LDLRAD3: variants seen among roughly 807,000 people sequenced by gnomAD.
LDLRAD3 encodes the protein low-density lipoprotein receptor class A domain-containing protein 3.
Under a neutral mutation model 29.4 loss-of-function variants are expected in LDLRAD3, and 20 were observed. The ratio of observed to expected loss-of-function variants is 0.68; its 90% CI spans 0.48 to 0.99. The LOEUF is 0.99. Among genes scored for constraint, LDLRAD3 ranks in the 50% least tolerant of loss-of-function variants. The pLI is 0.00. For synonymous variants in LDLRAD3, 157 were observed against 192.7 expected (o/e 0.81, Z 1.53); for missense variants, 420 against 454.3 (o/e 0.92, Z 0.69).
chr11:36,125,235 T>C (rs1465517860), intron 4 of LDLRAD3, among the ~76,000 whole-genome samples: 2 of 152,192 alleles, frequency 1.3e-5, no homozygotes, highest in African/African-American at 4.8e-5. Context: ...ACCTAGATCC[T>C]GGTACACAGA....
rs1205877685 is a variant in LDLRAD3 at position 36,144,142 on chromosome 11, G to A, written c.454+45681G>A. Among the ~76,000 whole-genome samples the A allele has an allele frequency of 2.0e-5, 3 of 151,984 alleles. No individual in the cohort carries two copies. The East Asian group carries it at 5.8e-4, about 29-fold the overall frequency. ...GACGGGGTTTCGCTGTGTTGGCTGG[G>A]CTGGTCTCCAGCTCCTAACCGCGAG... On this transcript the variant is annotated intron_variant, in intron 4 of 5. Transcript: ENST00000315571.
At chr11:36,132,004 A>C (rs1466239348) in intron 4 of LDLRAD3, among the ~76,000 whole-genome samples, 1 of 151,712 alleles carries the variant, frequency 6.6e-6, no homozygotes, top group Non-Finnish European at 1.5e-5. Context: ...GTAAAACCCA[A>C]ATAGCTTTAA....
intron 4 of LDLRAD3, among the ~76,000 whole-genome samples, chr11:36,158,481 T>A (rs1854386858): frequency 2.2e-5 from 3 of 136,890 alleles, no homozygotes; most frequent in Non-Finnish European, 3.1e-5. Context: ...TTGCAACCCA[T>A]CACCAACCCC....
At chr11:36,217,800 A>T (rs879639545) in intron 4 of LDLRAD3, among the ~76,000 whole-genome samples, 1 of 152,180 alleles carries the variant, frequency 6.6e-6, no homozygotes, top group Non-Finnish European at 1.5e-5. Context: ...TTGGGGCTGC[A>T]TGATTCCAGT....
At chr11:36,075,882 C>G (rs909890525) in intron 2 of LDLRAD3, among the ~76,000 whole-genome samples, 1 of 152,164 alleles carries the variant, frequency 6.6e-6, no homozygotes. Flanking sequence ...CTAGCTTTGG[C>G]TATTGGGAAC....
chr11:36,109,054 T>C (rs1215845363), intron 4 of LDLRAD3, among the ~76,000 whole-genome samples: 1 of 152,100 alleles, frequency 6.6e-6, no homozygotes. Flanking sequence ...CAGGATCAGA[T>C]ATCAAGGGTG....
chr11:36,206,604 T>C (rs1042562815), intron 4 of LDLRAD3, among the ~76,000 whole-genome samples: 5 of 152,120 alleles, frequency 3.3e-5, no homozygotes, highest in Admixed American at 2.0e-4. Flanking sequence ...CAGGAGGTCA[T>C]GTTGGCCAAG....
chr11:36,059,026 G>A (rs1286376002), intron 2 of LDLRAD3, among the ~76,000 whole-genome samples: 1 of 152,090 alleles, frequency 6.6e-6, no homozygotes, highest in Non-Finnish European at 1.5e-5. Flanking sequence ...GCCTCCCTCT[G>A]TGCTCTCAGA....
At chr11:36,037,884 A>G (rs1043133163) in intron 2 of LDLRAD3, among the ~76,000 whole-genome samples, 28 of 152,182 alleles carry the variant, frequency 1.8e-4, no homozygotes, top group African/African-American at 5.8e-4. Flanking sequence ...TGATCACTAT[A>G]CACACTGAAT....
chr11:36,216,868 G>A (rs1210388876), intron 4 of LDLRAD3, among the ~76,000 whole-genome samples: 1 of 152,196 alleles, frequency 6.6e-6, no homozygotes, highest in African/African-American at 2.4e-5. Context: ...CCCATTGCAA[G>A]AACAGTACAG....
chr11:36,061,895 A>G (rs1022745958), intron 2 of LDLRAD3, among the ~76,000 whole-genome samples: 4 of 152,170 alleles, frequency 2.6e-5, no homozygotes, highest in Non-Finnish European at 5.9e-5. Context: ...GCCAGTTTGC[A>G]TATTAATTGT....
At chr11:36,153,635 G>A (rs1055197878) in intron 4 of LDLRAD3, among the ~76,000 whole-genome samples, 1 of 152,096 alleles carries the variant, frequency 6.6e-6, no homozygotes, top group African/African-American at 2.4e-5. Flanking sequence ...ATTTTGAATG[G>A]CTAAGTGGAA....
At chr11:36,013,300 T>G (rs1486820546) in intron 1 of LDLRAD3, among the ~76,000 whole-genome samples, 3 of 151,970 alleles carry the variant, frequency 2.0e-5, no homozygotes. Context: ...TTCTTCTTCT[T>G]TTTTTTTACT....
chr11:36,110,290 T>A (rs1038573707), intron 4 of LDLRAD3, among the ~76,000 whole-genome samples: 11 of 152,190 alleles, frequency 7.2e-5, no homozygotes, highest in African/African-American at 2.7e-4. Context: ...TTCTTTAGTC[T>A]CCCCCATTTC....
chr11:35,980,516 T>C (rs1851527575), intron 1 of LDLRAD3, among the ~76,000 whole-genome samples: 1 of 152,190 alleles, frequency 6.6e-6, no homozygotes. Flanking sequence ...TTGTTAAAGT[T>C]TGGGAGAATG....
chr11:36,195,037 G>A (rs1028308566), intron 4 of LDLRAD3, among the ~76,000 whole-genome samples: 1 of 152,184 alleles, frequency 6.6e-6, no homozygotes, highest in Non-Finnish European at 1.5e-5. Flanking sequence ...GTCTTACCAT[G>A]TGCAAAGTGG....
chr11:36,224,470 T>C (rs1205860510), intron 4 of LDLRAD3, among the ~76,000 whole-genome samples: 2 of 152,252 alleles, frequency 1.3e-5, no homozygotes, highest in African/African-American at 4.8e-5. Context: ...AGCTTCTAAT[T>C]GTCTCACTGA....
intron 2 of LDLRAD3, among the ~76,000 whole-genome samples, chr11:36,071,277 G>A (rs1852897451): frequency 6.6e-6 from 1 of 152,180 alleles, no homozygotes; most frequent in Non-Finnish European, 1.5e-5. Context: ...GACAATCCTA[G>A]GCTGGAGGCT....
chr11:36,187,538 C>G (rs949210179), intron 4 of LDLRAD3, among the ~76,000 whole-genome samples: 1 of 152,198 alleles, frequency 6.6e-6, no homozygotes, highest in Non-Finnish European at 1.5e-5. Context: ...ATATTAACCA[C>G]TCTTTTTTCC....
Sources: gnomAD v4.1 joint callset for allele counts (sites outside exome capture counted in the v4.1 genomes callset) on GRCh38, gnomAD v4.1.1 for gene constraint, MANE v1.5 for transcripts, NCBI Gene and HGNC (gene_info 2026-07-23, HGNC 2026-07-21) for gene names.